The following SUZ12 variants were observed in gnomAD, a reference collection of about 807,000 sequenced individuals.
SUZ12 encodes the protein SUZ12 polycomb repressive complex 2 subunit, also known as polycomb protein SUZ12.
SUZ12 carries 17 observed loss-of-function variants against 87.3 expected under a neutral mutation model. The observed-to-expected ratio is 0.19, with a 90% confidence interval of 0.13 to 0.29. The LOEUF (loss-of-function observed/expected upper bound fraction) is 0.29, where lower values mean the gene tolerates loss of function less well. Among genes scored for constraint, SUZ12 ranks in the 10% least tolerant of loss-of-function variants. The probability of loss-of-function intolerance (pLI) is 1.00; values close to 1 mark genes in which losing one functional copy is unlikely to be tolerated. For synonymous variants in SUZ12, 253 were observed against 312.4 expected, an observed-to-expected ratio of 0.81 and a Z score of 2.01; for missense variants, 526 against 912.2, an observed-to-expected ratio of 0.58 and a Z score of 5.45.
rs2142224925 is a variant in SUZ12, at chr17:32,000,293, C to T, written c.*1290C>T. The stretch of plus-strand genomic sequence containing the variant: ...TTCCACCACCATCAGATGCAGTTCC[C>T]TATTTTGTTTAATGAAGGGATATAT... On this transcript the variant is annotated 3_prime_UTR_variant, in exon 16 of 16. Coordinates refer to ENST00000322652, the MANE Select transcript of SUZ12 (RefSeq NM_015355.4). 2 of 232,848 alleles carry T rather than the reference C, an allele frequency of 8.6e-6. No individual in the cohort carries two copies. The highest frequency in any genetic ancestry group is 1.2e-4 in the East Asian group (2 of 16,436). The allele number at this position is 232,848 out of a possible 1,614,324, so 14.4% of individuals were successfully genotyped here. A position where few individuals can be genotyped will look rare whatever the true frequency, so the allele number is the denominator to read the frequency against.
intron 8 of SUZ12, among the ~76,000 whole-genome samples, chr17:31,979,151 A>AAGAATACT (rs1908947454): frequency 6.6e-6 from 1 of 151,160 alleles, no homozygotes. Flanking sequence ...GGAAAGTTGA[A>AAGAATACT]AGAATACTAA....
At chr17:31,988,560 A>G in intron 10 of SUZ12, 63 bp downstream of exon 10, 3 of 1,418,622 alleles carry the variant, frequency 2.1e-6, no homozygotes, top group Non-Finnish European at 2.8e-6. Context: ...CTTGTGCTTT[A>G]GATTAATTCA....
chr17:31,994,042 TAAG>T, intron 12 of SUZ12, 34 bp downstream of exon 12: 2 of 1,600,806 alleles, frequency 1.2e-6, no homozygotes, highest in South Asian at 1.1e-5. Context: ...CAATTTGTGT[TAAG>T]AAATCTCTTG....
chr17:31,969,237 C>T (rs1188816995), intron 5 of SUZ12, among the ~76,000 whole-genome samples: 3 of 152,104 alleles, frequency 2.0e-5, no homozygotes, highest in Non-Finnish European at 2.9e-5. Context: ...CTCTACCTCC[C>T]GGGTTCAAGC....
Position 31,987,799 on chromosome 17 carries a change from G to A in SUZ12, c.1024-521G>A, listed in dbSNP as rs1469096418. On this transcript the variant is annotated intron_variant, in intron 9 of 15. Coordinates refer to ENST00000322652, the MANE Select transcript of SUZ12 (RefSeq NM_015355.4). The stretch of plus-strand genomic sequence containing the variant: ...CACACACACAAAAAATTAGCTGGGC[G>A]TGACGGCAGGTGCCTGTAATCCCAG... 2.0e-5 allele frequency among the ~76,000 whole-genome samples: 3 copies of A among 152,066 alleles called. No homozygotes were observed. The East Asian group carries it at 5.8e-4, about 29-fold the overall frequency.
chr17:31,992,970 G>T (rs1416517484), intron 10 of SUZ12, among the ~76,000 whole-genome samples: 1 of 146,732 alleles, frequency 6.8e-6, no homozygotes, highest in Admixed American at 6.8e-5. Flanking sequence ...CTCCCAATGT[G>T]CTGGGATTAC....
At chr17:31,990,262 C>T (rs1457845528) in intron 10 of SUZ12, among the ~76,000 whole-genome samples, 1 of 151,018 alleles carries the variant, frequency 6.6e-6, no homozygotes, top group Non-Finnish European at 1.5e-5. Flanking sequence ...CGTGACCCAC[C>T]AGGCCCAGAC....
In SUZ12 at chr17:31,937,063, A is replaced by G. The variant is rs1286303712; in HGVS notation, c.-184A>G. ...CGAAGCGGAGCGGGGCTCTGAGGAG[A>G]CACTTTTTTTTTCCTCCCTCCTTCC... On this transcript the variant is annotated 5_prime_UTR_variant, in exon 1 of 16. Coordinates refer to ENST00000322652, the MANE Select transcript of SUZ12 (RefSeq NM_015355.4). 8.1e-6 allele frequency: 4 copies of G among 494,462 alleles called. No homozygotes were observed. The highest frequency in any genetic ancestry group is 3.3e-6 in the Non-Finnish European group (1 of 300,224). 30.6% of individuals were successfully genotyped at this position (494,462 alleles called of 1,614,324 possible). A position where few individuals can be genotyped will look rare whatever the true frequency, so the allele number is the denominator to read the frequency against.
At chr17:31,944,252 C>T (rs1364771401) in intron 3 of SUZ12, among the ~76,000 whole-genome samples, 1 of 151,922 alleles carries the variant, frequency 6.6e-6, no homozygotes, top group African/African-American at 2.4e-5. Flanking sequence ...CCTCAGCCTC[C>T]CGAGTAGCTG....
At chr17:31,959,545 A>G (rs573940603) in intron 4 of SUZ12, among the ~76,000 whole-genome samples, 30 of 152,260 alleles carry the variant, frequency 2.0e-4, no homozygotes, top group Non-Finnish European at 3.7e-4. Context: ...TGAAATGTAT[A>G]TAACAAAAGT....
intron 5 of SUZ12, among the ~76,000 whole-genome samples, chr17:31,971,454 T>A (rs1598169967): frequency 7.4e-6 from 1 of 134,766 alleles, no homozygotes; most frequent in Admixed American, 8.3e-5. Context: ...GGAGATGGAG[T>A]TTCGCTCTTG....
At chr17:31,988,626 T>G (rs1909538451) in intron 10 of SUZ12, 129 bp downstream of exon 10, 3 of 967,194 alleles carry the variant, frequency 3.1e-6, no homozygotes, top group Non-Finnish European at 4.4e-6. Context: ...GGAGTCTTGC[T>G]CTGTTGCCCA....
At chr17:31,987,617 G>A (rs1320644291) in intron 9 of SUZ12, among the ~76,000 whole-genome samples, 1 of 138,898 alleles carries the variant, frequency 7.2e-6, no homozygotes, top group Non-Finnish European at 1.5e-5. Context: ...GTGGGCTTTG[G>A]GTACCACAAT....
chr17:31,941,978 G>A (rs1014578685), intron 3 of SUZ12, among the ~76,000 whole-genome samples: 2 of 151,554 alleles, frequency 1.3e-5, no homozygotes, highest in Non-Finnish European at 2.9e-5. Flanking sequence ...TCAGCCTCCC[G>A]AGTAGCTGGA....
At position 31,973,190 on chromosome 17, in the gene SUZ12, C is replaced by G. The variant is rs756919538; in HGVS notation, c.550C>G (p.Leu184Val). The G allele has an allele frequency of 1.3e-6, 2 of 1,558,680 alleles. No homozygotes were observed. Among genetic ancestry groups the G allele is most frequent in the Non-Finnish European group, 8.7e-7 (1 of 1,155,968 alleles). Residue 184 changes from leucine (L) to valine (V), a missense_variant, in exon 6 of 16, where the codon CTG (leucine) becomes GTG (valine). Physicochemically the swap from Leu to Val is conservative, Grantham distance 32. This residue lies in a region of SUZ12 where 49 missense variants were observed against 73.2 expected (regional missense o/e 0.67). Coordinates refer to ENST00000322652, the MANE Select transcript of SUZ12 (RefSeq NM_015355.4). The part of the protein sequence containing the change: ...NSENEQNSVT[L>V]EVLLVKVCHK... ...AGAAAATGAACAAAATTCTGTTACCCTGGAAGTCCTGCTTGTGAAAGTTTG... is the reference window on the plus strand; with the variant it reads ...AGAAAATGAACAAAATTCTGTTACCGTGGAAGTCCTGCTTGTGAAAGTTTG...
rs371837628 is a variant in SUZ12, at chr17:31,998,869, C to T, written c.2086C>T (p.Pro696Ser). ...ATTAGAAAAGGGGGAATCTGCTTCC[C>T]CTGCAAACGAAGAAATAACTGAAGA... ...QKLEKGESAS[P>S]ANEEITEEQN... Residue 696 changes from proline to serine, a missense_variant, in exon 16 of 16, where the codon CCT becomes TCT. This residue lies in a region of SUZ12 where 56 missense variants were observed against 56.6 expected (regional missense o/e 0.99). Coordinates refer to ENST00000322652, the MANE Select transcript of SUZ12 (RefSeq NM_015355.4). 9.9e-6 allele frequency: 16 copies of T among 1,613,380 alleles called. No individual in the cohort carries two copies. Among genetic ancestry groups the T allele is most frequent in the East Asian group, 4.5e-5 (2 of 44,850 alleles).
rs555569210 is a variant in SUZ12, at chr17:31,986,075, T to C, written c.1024-2245T>C. ...CCTCTGCCTCCTGGGTTCAAGCAAT[T>C]CTCTTGCCTCAGCCTCCTGAATAGT... On this transcript the variant is annotated intron_variant, in intron 9 of 15. Coordinates refer to ENST00000322652, the MANE Select transcript of SUZ12 (RefSeq NM_015355.4). 3.3e-5 allele frequency among the ~76,000 whole-genome samples: 5 copies of C among 152,152 alleles called. No homozygotes were observed. In the East Asian group the frequency reaches 9.7e-4, roughly 29 times the overall value.
intron 1 of SUZ12, among the ~76,000 whole-genome samples, chr17:31,939,436 T>TA (rs767387864): frequency 6.6e-6 from 1 of 151,222 alleles, no homozygotes; most frequent in Non-Finnish European, 1.5e-5. Context: ...ACTTTCATCA[T>TA]ACCTGTATTA....
intron 8 of SUZ12, among the ~76,000 whole-genome samples, chr17:31,981,751 A>G (rs958965047): frequency 4.6e-5 from 7 of 152,198 alleles, no homozygotes; most frequent in South Asian, 2.1e-4. Flanking sequence ...ACCTGGATTC[A>G]TTTGCTGGAT....
Sources: gnomAD v4.1 joint callset for allele counts (sites outside exome capture counted in the v4.1 genomes callset) on GRCh38, gnomAD v4.1.1 for gene constraint, gnomAD v4.1.1 regional missense constraint, MANE v1.5 for transcripts, NCBI Gene and HGNC (gene_info 2026-07-23, HGNC 2026-07-21) for gene names.